CSMD1: variants seen among roughly 807,000 people sequenced by gnomAD.
The protein encoded by CSMD1 is CUB and sushi domain-containing protein 1.
Under a neutral mutation model 417.5 loss-of-function variants are expected in CSMD1, and 213 were observed. The ratio of observed to expected loss-of-function variants is 0.51; its 90% CI spans 0.46 to 0.57. The LOEUF is 0.57. Ranked by LOEUF, CSMD1 falls within the 20% of genes least tolerant of loss-of-function variation. CSMD1 has a pLI of 0.00. For synonymous variants in CSMD1, 2,862 were observed against 1,736.8 expected, an observed-to-expected ratio of 1.65 and a Z score of -16.11; for missense variants, 6,923 against 4,529.7, an observed-to-expected ratio of 1.53 and a Z score of -15.17.
chr8:4,261,472 C>T (rs28367506), intron 3 of CSMD1, among the ~76,000 whole-genome samples: 4,963 of 152,176 alleles, frequency 0.033, 253 homozygotes, highest in African/African-American at 0.11. Flanking sequence ...TGCATCAGCC[C>T]TGGGATCTAA....
At chr8:3,996,506 C>T (rs962135743) in intron 5 of CSMD1, among the ~76,000 whole-genome samples, 5 of 151,886 alleles carry the variant, frequency 3.3e-5, no homozygotes, top group East Asian at 3.9e-4. Context: ...TAAGGATTTG[C>T]TTTTGGCAGA....
intron 25 of CSMD1, among the ~76,000 whole-genome samples, chr8:3,288,175 C>A (rs926724625): frequency 3.4e-5 from 5 of 147,254 alleles, no homozygotes. Context: ...TGTGGATAAG[C>A]TTTTTGATGT....
At chr8:4,280,751 T>C (rs1455911184) in intron 3 of CSMD1, among the ~76,000 whole-genome samples, 1 of 152,236 alleles carries the variant, frequency 6.6e-6, no homozygotes, top group Admixed American at 6.5e-5. Context: ...CTAGTACCCA[T>C]ATTTTTAAAA....
chr8:3,940,501 G>C (rs1248899354), intron 5 of CSMD1, among the ~76,000 whole-genome samples: 8 of 56,778 alleles, frequency 1.4e-4, no homozygotes, highest in South Asian at 1.2e-3. Context: ...TTTCCTCTGT[G>C]TGTGTGTGTG....
chr8:4,977,368 C>A (rs1362315113), intron 1 of CSMD1, among the ~76,000 whole-genome samples: 1 of 152,138 alleles, frequency 6.6e-6, no homozygotes, highest in Non-Finnish European at 1.5e-5. Flanking sequence ...GCCCACTGAG[C>A]AGCTCTCCTC....
At chr8:2,955,251 G>A (rs1468278229) in intron 64 of CSMD1, among the ~76,000 whole-genome samples, 1 of 152,156 alleles carries the variant, frequency 6.6e-6, no homozygotes, top group African/African-American at 2.4e-5. Context: ...TACTTTTCCT[G>A]AAACTATACC....
At chr8:4,471,616 C>T (rs1430187986) in intron 2 of CSMD1, among the ~76,000 whole-genome samples, 1 of 152,040 alleles carries the variant, frequency 6.6e-6, no homozygotes, top group Non-Finnish European at 1.5e-5. Context: ...CAGAACATTA[C>T]ACCTAACTCT....
intron 11 of CSMD1, chr8:3,469,281 AC>A (rs1269989404): frequency 5.2e-5 from 8 of 153,028 alleles, no homozygotes; most frequent in African/African-American, 1.7e-4. Flanking sequence ...GGGTTCATTC[AC>A]AAAAGGTTTT....
At chr8:4,174,300 G>A (rs1409406767) in intron 3 of CSMD1, among the ~76,000 whole-genome samples, 1 of 152,106 alleles carries the variant, frequency 6.6e-6, no homozygotes, top group African/African-American at 2.4e-5. Flanking sequence ...CATTTTTAAA[G>A]GTCATCCACT....
At chr8:3,081,563 C>T (rs1333004798) in intron 49 of CSMD1, among the ~76,000 whole-genome samples, 2 of 152,110 alleles carry the variant, frequency 1.3e-5, no homozygotes, top group African/African-American at 4.8e-5. Context: ...AATATTTTAA[C>T]ATTTGCATTA....
chr8:4,887,804 C>G (rs1206042869), intron 1 of CSMD1, among the ~76,000 whole-genome samples: 1 of 151,754 alleles, frequency 6.6e-6, no homozygotes, highest in Non-Finnish European at 1.5e-5. Context: ...TCTAGTGACA[C>G]TTTTTGTTTT....
intron 23 of CSMD1, among the ~76,000 whole-genome samples, chr8:3,309,783 A>G (rs1177401615): frequency 2.6e-5 from 4 of 152,192 alleles, no homozygotes; most frequent in Non-Finnish European, 5.9e-5. Context: ...ATGCCCTTCC[A>G]TTGAGGAAAA....
At chr8:3,972,168 C>G (rs973400156) in intron 5 of CSMD1, among the ~76,000 whole-genome samples, 2 of 152,020 alleles carry the variant, frequency 1.3e-5, no homozygotes, top group African/African-American at 4.8e-5. Flanking sequence ...CTGTGCCTGG[C>G]CCTTCTAAGA....
At chr8:4,467,901 G>A (rs550387860) in intron 2 of CSMD1, among the ~76,000 whole-genome samples, 2 of 152,284 alleles carry the variant, frequency 1.3e-5, no homozygotes, top group East Asian at 3.9e-4. Flanking sequence ...GTTGAACACT[G>A]GTTTTTGGGA....
intron 2 of CSMD1, among the ~76,000 whole-genome samples, chr8:4,497,257 T>C (rs1022942503): frequency 6.6e-6 from 1 of 152,208 alleles, no homozygotes; most frequent in African/African-American, 2.4e-5. Flanking sequence ...ATCTTCATCA[T>C]GATGTTGAAT....
intron 1 of CSMD1, among the ~76,000 whole-genome samples, chr8:4,922,673 C>G (rs1394667407): frequency 6.6e-6 from 1 of 152,146 alleles, no homozygotes; most frequent in Non-Finnish European, 1.5e-5. Flanking sequence ...TGGGAAATTT[C>G]TGAGAGCCCC....
intron 2 of CSMD1, among the ~76,000 whole-genome samples, chr8:4,606,029 G>A (rs182086500): frequency 6.6e-6 from 1 of 152,264 alleles, no homozygotes; most frequent in African/African-American, 2.4e-5. Context: ...TGACAGGAAT[G>A]GTTGGAGTCT....
chr8:4,315,230 C>T (rs182563104), intron 3 of CSMD1, among the ~76,000 whole-genome samples: 1 of 152,236 alleles, frequency 6.6e-6, no homozygotes, highest in East Asian at 1.9e-4. Flanking sequence ...AAAGGAAAGC[C>T]CAGCTCTGGC....
chr8:3,165,088 T>G (rs1017680107), intron 37 of CSMD1, among the ~76,000 whole-genome samples: 5 of 151,872 alleles, frequency 3.3e-5, no homozygotes, highest in Non-Finnish European at 7.4e-5. Flanking sequence ...ATGGCCAGAC[T>G]CAGGAAGCAG....
Sources: allele counts gnomAD v4.1 joint callset (sites outside exome capture counted in the v4.1 genomes callset), GRCh38; gene constraint gnomAD v4.1.1; transcripts MANE v1.5; gene names NCBI Gene and HGNC (gene_info 2026-07-23, HGNC 2026-07-21).